ANGPTL5: variants seen among roughly 807,000 people sequenced by gnomAD.
ANGPTL5 encodes the protein angiopoietin-related protein 5.
In ANGPTL5, 34 loss-of-function variants were observed where a neutral mutation model predicts 39.4. The observed-to-expected ratio is 0.86, with a 90% CI of 0.66 to 1.15. The LOEUF is 1.15. ANGPTL5 is among the 50% of genes most tolerant of loss of function. ANGPTL5 has a pLI of 0.00. For synonymous variants in ANGPTL5, 146 were observed against 152.1 expected (o/e 0.96, Z 0.29); for missense variants, 467 against 457.5 (o/e 1.02, Z -0.19).
At chr11:101,904,972 C>T in intron 4 of ANGPTL5, 65 bp from the exon 5 acceptor site, 1 of 1,246,326 alleles carries the variant, frequency 8.0e-7, no homozygotes, top group Non-Finnish European at 1.2e-6. Context: ...CTAAGCCTCT[C>T]ATAAACCCAG....
chr11:101,901,624 G>A (rs1445852207), intron 6 of ANGPTL5, among the ~76,000 whole-genome samples: 1 of 152,100 alleles, frequency 6.6e-6, no homozygotes, highest in Non-Finnish European at 1.5e-5. Flanking sequence ...CCACAAAAGA[G>A]GTGATTATGC....
At chr11:101,915,946 G>A (rs905497320) in intron 1 of ANGPTL5, 73 bp downstream of exon 1, 2 of 152,298 alleles carry the variant, frequency 1.3e-5, no homozygotes, top group African/African-American at 4.8e-5. Flanking sequence ...AAGAGGAAAT[G>A]AGAAACAGGG....
rs1045256770 is a variant in ANGPTL5 at position 101,895,001 on chromosome 11, A to G, written c.725T>C (p.Met242Thr). The G allele has an allele frequency of 1.9e-6, 3 of 1,610,012 alleles. No individual in the cohort carries two copies. The highest frequency in any genetic ancestry group is 3.3e-5 in the Admixed American group (2 of 59,796). ...TTCAGATTCCAAAGCCACATACAGC[A>G]TAAAACTGGTATTTTTCTGATTTAC... ...YIVNQKNTSF[M>T]LYVALESEDD... Residue 242 changes from methionine to threonine, a missense_variant, in exon 8 of 9, where the codon ATG becomes ACG. Physicochemically the swap from Met to Thr is moderately conservative, Grantham distance 81. Coordinates refer to ENST00000334289, the MANE Select transcript of ANGPTL5 (RefSeq NM_178127.5).
chr11:101,891,513 G>A lies in ANGPTL5; in HGVS notation c.933C>T (p.Arg311=). ...ACTGACCATTGACCAGGCATGCAGG[G>A]CGACACCCATCATTATCAACATCTG... The part of the protein sequence containing the change: ...STSDVDNDGC[R]PACLVNGQSV... Residue 311 remains arginine (R), a synonymous_variant, in exon 9 of 9, where the codon CGC becomes CGT. Coordinates refer to ENST00000334289, the MANE Select transcript of ANGPTL5 (RefSeq NM_178127.5). 6.2e-7 allele frequency: 1 copy of A among 1,613,990 alleles called. No individual in the cohort carries two copies.
At chr11:101,894,459 A>T (rs1303579249) in intron 8 of ANGPTL5, among the ~76,000 whole-genome samples, 1 of 152,226 alleles carries the variant, frequency 6.6e-6, no homozygotes, top group Non-Finnish European at 1.5e-5. Flanking sequence ...GCCTTGGCTC[A>T]GGTGACGTGA....
chr11:101,894,789 C>G, intron 8 of ANGPTL5, 90 bp downstream of exon 8: 1 of 1,251,458 alleles, frequency 8.0e-7, no homozygotes, highest in Non-Finnish European at 1.2e-6. Flanking sequence ...GTGTTATATA[C>G]AAAGACAAAT....
At chr11:101,913,005 T>C (rs1484948665) in intron 1 of ANGPTL5, among the ~76,000 whole-genome samples, 5 of 152,258 alleles carry the variant, frequency 3.3e-5, no homozygotes, top group Admixed American at 3.3e-4. Context: ...ACAAGTTTTC[T>C]GTTTTTCTCT....
At chr11:101,901,036 T>TTTTTTG (rs1939889193) in intron 6 of ANGPTL5, among the ~76,000 whole-genome samples, 1 of 123,620 alleles carries the variant, frequency 8.1e-6, no homozygotes, top group African/African-American at 3.2e-5. Context: ...TTTTTTTTTT[T>TTTTTTG]CTTTTGTATT....
intron 6 of ANGPTL5, among the ~76,000 whole-genome samples, chr11:101,901,112 C>T (rs1468760252): frequency 6.7e-6 from 1 of 150,012 alleles, no homozygotes. Flanking sequence ...CTCCTGACCT[C>T]GTGATCCTCC....
At chr11:101,908,404 T>C (rs998479314) in intron 1 of ANGPTL5, among the ~76,000 whole-genome samples, 1 of 152,134 alleles carries the variant, frequency 6.6e-6, no homozygotes, top group Admixed American at 6.5e-5. Context: ...TTGGAACTAT[T>C]TCTATAAAAT....
chr11:101,899,985 T>G (rs1295298401), intron 7 of ANGPTL5, among the ~76,000 whole-genome samples: 1 of 152,214 alleles, frequency 6.6e-6, no homozygotes, highest in Non-Finnish European at 1.5e-5. Context: ...TACTGACATT[T>G]TAATAATATG....
Position 101,891,379 on chromosome 11 carries a change from G to T in ANGPTL5, c.1067C>A (p.Thr356Asn). ...GGTCCACGTGCCCCATTGAATTCCA[G>T]TTGCAAGCAATTTTCCAGAGAAGTG... ...IHHFSGKLLA[T>N]GIQWGTWTKN... The change falls in exon 9 of 9, where the codon ACT (threonine) becomes AAT (asparagine). Residue 356 changes from threonine to asparagine, a missense_variant. Thr to Asn is a moderately conservative substitution (Grantham distance 65). Transcript: ENST00000334289. 6.2e-7 allele frequency: 1 copy of T among 1,614,024 alleles called. No homozygotes were observed. The highest frequency in any genetic ancestry group is 8.5e-7 in the Non-Finnish European group (1 of 1,179,960).
chr11:101,892,334 G>A (rs1217800980), intron 8 of ANGPTL5, among the ~76,000 whole-genome samples: 3 of 152,036 alleles, frequency 2.0e-5, no homozygotes, highest in Non-Finnish European at 2.9e-5. Context: ...AGGGTCAAGC[G>A]ATTCTCCTGC....
Position 101,894,782 on chromosome 11 carries a change from TTA to T in ANGPTL5, c.847+95_847+96del, listed in dbSNP as rs1397160542. On this transcript the variant is annotated intron_variant, in intron 8 of 8. Coordinates refer to ENST00000334289, the MANE Select transcript of ANGPTL5 (RefSeq NM_178127.5). ...AATCTATCCTGTTATCAGTTATGTG[TTA>T]TATACAAAGACAAATGCATTATTTT... The T allele has an allele frequency of 4.3e-6, 5 of 1,169,402 alleles. No individual in the cohort carries two copies. The African/African-American group carries it at 7.7e-5, about 18-fold the overall frequency. The allele number at this position is 1,169,402 out of a possible 1,614,324, so 72.4% of individuals were successfully genotyped here. A position where few individuals can be genotyped will look rare whatever the true frequency, so the allele number is the denominator to read the frequency against.
intron 5 of ANGPTL5, 102 bp from the exon 6 acceptor site, chr11:101,902,823 A>AT: frequency 1.4e-6 from 1 of 698,520 alleles, no homozygotes. Flanking sequence ...AATTTTCATT[A>AT]TTATATTATT....
chr11:101,901,000 C>G (rs34605548), intron 6 of ANGPTL5, among the ~76,000 whole-genome samples: 20,745 of 148,922 alleles, frequency 0.14, 1,998 homozygotes, highest in Non-Finnish European at 0.21. Flanking sequence ...TACAGGCGCC[C>G]GCTAGCACCC....
chr11:101,900,791 A>G (rs1020077115), intron 6 of ANGPTL5, among the ~76,000 whole-genome samples: 6 of 152,146 alleles, frequency 3.9e-5, no homozygotes, highest in African/African-American at 1.4e-4. Context: ...ACAAATTTGT[A>G]ATTAACTTAA....
At chr11:101,902,594 C>G (rs368293224) in intron 6 of ANGPTL5, 27 bp downstream of exon 6, 6 of 1,474,082 alleles carry the variant, frequency 4.1e-6, no homozygotes, top group Non-Finnish European at 5.7e-6. Flanking sequence ...CCACATAATA[C>G]GGGAAAACTT....
chr11:101,913,983 TG>T (rs1940138384), intron 1 of ANGPTL5, among the ~76,000 whole-genome samples: 1 of 152,256 alleles, frequency 6.6e-6, no homozygotes, highest in African/African-American at 2.4e-5. Context: ...ATGTGTTTTG[TG>T]TCTTAAATCG....
Sources: allele counts gnomAD v4.1 joint callset (sites outside exome capture counted in the v4.1 genomes callset), GRCh38; gene constraint gnomAD v4.1.1; transcripts MANE v1.5; gene names NCBI Gene and HGNC (gene_info 2026-07-23, HGNC 2026-07-21).